The following POLR3GL variants were observed in gnomAD, a reference collection of about 807,000 sequenced individuals.
POLR3GL encodes RNA polymerase III subunit GL, also known as DNA-directed RNA polymerase III subunit RPC7-like.
In POLR3GL, 26 loss-of-function variants were observed where a neutral mutation model predicts 32.4. That is an observed-to-expected ratio of 0.80 (90% CI 0.59 to 1.11). The LOEUF is 1.11. Ranked by LOEUF, POLR3GL falls within the 50% of genes most tolerant of loss-of-function variation. POLR3GL has a pLI of 0.00. For synonymous variants in POLR3GL, 95 were observed against 98.7 expected, an observed-to-expected ratio of 0.96 and a Z score of 0.22; for missense variants, 229 against 280.1, an observed-to-expected ratio of 0.82 and a Z score of 1.30.
intron 1 of POLR3GL, among the ~76,000 whole-genome samples, chr1:145,968,236 G>A (rs899688803): frequency 2.0e-5 from 3 of 152,208 alleles, no homozygotes; most frequent in African/African-American, 7.2e-5. Context: ...GTATCCTCAA[G>A]AATTTTAACT....
intron 1 of POLR3GL, among the ~76,000 whole-genome samples, chr1:145,972,240 C>T (rs1223700316): frequency 6.6e-6 from 1 of 150,948 alleles, no homozygotes; most frequent in Non-Finnish European, 1.5e-5. Flanking sequence ...ATTAGCCGGG[C>T]GTGGTGGCAC....
intron 1 of POLR3GL, among the ~76,000 whole-genome samples, chr1:145,967,117 C>A (rs1553762154): frequency 6.6e-6 from 1 of 150,852 alleles, no homozygotes; most frequent in Non-Finnish European, 1.5e-5. Context: ...TGACAGCCTG[C>A]TTATTATTTA....
chr1:145,978,159 T>C (rs1650649974), intron 7 of POLR3GL, 63 bp downstream of exon 7: 1 of 1,556,148 alleles, frequency 6.4e-7, no homozygotes, highest in Non-Finnish European at 8.7e-7. Context: ...AGGGTTGCTC[T>C]CCTCAGAGGG....
chr1:145,977,669 C>T, intron 5 of POLR3GL, 109 bp from the exon 6 acceptor site: 1 of 1,314,968 alleles, frequency 7.6e-7, no homozygotes. Context: ...TGCTAGATGT[C>T]ATAGTGGCCA....
Position 145,975,456 on chromosome 1 carries a change from T to C in POLR3GL, c.256+20T>C, listed in dbSNP as rs1235707954. The C allele has an allele frequency of 6.2e-7, 1 of 1,609,042 alleles. No homozygotes were observed. The highest frequency in any genetic ancestry group is 1.3e-5 in the African/African-American group (1 of 74,844). The stretch of plus-strand genomic sequence containing the variant: ...AGAGAGGTCAGTTGGAATGCTAGCA[T>C]CATATTCTGAGTGCCTTCCATGGGG... On this transcript the variant is annotated intron_variant, in intron 3 of 7. Coordinates refer to ENST00000369314, the MANE Select transcript of POLR3GL (RefSeq NM_032305.3).
intron 1 of POLR3GL, among the ~76,000 whole-genome samples, chr1:145,965,114 C>T: frequency 6.6e-6 from 1 of 152,208 alleles, no homozygotes; most frequent in Non-Finnish European, 1.5e-5. Flanking sequence ...CCTGGGCCGC[C>T]TTTCTTGCAA....
At chr1:145,971,264 A>G (rs1003381507) in intron 1 of POLR3GL, among the ~76,000 whole-genome samples, 4 of 151,786 alleles carry the variant, frequency 2.6e-5, no homozygotes, top group African/African-American at 7.3e-5. Context: ...ATTATTAACT[A>G]AGGTTGATAC....
rs782138217 is a variant in POLR3GL, at chr1:145,974,929, G to C, written c.64G>C (p.Val22Leu). The C allele has an allele frequency of 3.9e-6, 6 of 1,519,736 alleles. No individual in the cohort carries two copies. The African/African-American group carries it at 5.7e-5, about 15-fold the overall frequency. 94.1% of individuals were successfully genotyped at this position (1,519,736 alleles called of 1,614,324 possible). A position where few individuals can be genotyped will look rare whatever the true frequency, so the allele number is the denominator to read the frequency against. The stretch of plus-strand genomic sequence containing the variant: ...CCAGTTGACCTTCAACGTGGAGGCC[G>C]TGGGCATTGGGAAAGGGGATGCTTT... ...RGQLTFNVEA[V>L]GIGKGDALPP... Residue 22 changes from valine (V) to leucine (L), a missense_variant, in exon 2 of 8, where the codon GTG becomes CTG. Physicochemically the swap from Val to Leu is conservative, Grantham distance 32 (BLOSUM62 1). Transcript: ENST00000369314.
intron 1 of POLR3GL, among the ~76,000 whole-genome samples, chr1:145,970,586 T>C (rs1284216703): frequency 6.6e-6 from 1 of 151,992 alleles, no homozygotes; most frequent in Non-Finnish European, 1.5e-5. Flanking sequence ...ATTAACATTG[T>C]AGATTGGCCG....
At chr1:145,977,248 G>C (rs949535093) in intron 4 of POLR3GL, 96 bp downstream of exon 4, 1 of 1,105,378 alleles carries the variant, frequency 9.0e-7, no homozygotes, top group African/African-American at 1.5e-5. Context: ...CCCATTCCCC[G>C]ATCCAGCATC....
intron 5 of POLR3GL, 26 bp from the exon 6 acceptor site, chr1:145,977,751 AG>A (rs1650628111): frequency 6.2e-7 from 1 of 1,610,918 alleles, no homozygotes; most frequent in Non-Finnish European, 8.5e-7. Flanking sequence ...TGCTCTCTGA[AG>A]GTTTACCTTT....
intron 3 of POLR3GL, 121 bp downstream of exon 3, chr1:145,975,557 G>A (rs587696118): frequency 1.8e-6 from 2 of 1,100,074 alleles, no homozygotes; most frequent in African/African-American, 3.1e-5. Flanking sequence ...GATCATAATA[G>A]TTACCCCTGT....
intron 1 of POLR3GL, among the ~76,000 whole-genome samples, chr1:145,972,806 C>T (rs587693710): frequency 5.5e-4 from 84 of 152,186 alleles, no homozygotes; most frequent in African/African-American, 2.0e-3. Context: ...TCAAGCAATC[C>T]TTCCCAGTAG....
intron 1 of POLR3GL, among the ~76,000 whole-genome samples, chr1:145,966,393 G>A (rs1650030798): frequency 6.6e-6 from 1 of 151,056 alleles, no homozygotes; most frequent in African/African-American, 2.4e-5. Context: ...GAGGTGGAGG[G>A]TTGCTTGAGC....
At chr1:145,970,955 G>T (rs1418034526) in intron 1 of POLR3GL, among the ~76,000 whole-genome samples, 1 of 147,866 alleles carries the variant, frequency 6.8e-6, no homozygotes, top group Non-Finnish European at 1.5e-5. Context: ...GGAGGCCGAG[G>T]CGGATGGATC....
intron 3 of POLR3GL, 56 bp downstream of exon 3, chr1:145,975,492 G>T: frequency 6.3e-7 from 1 of 1,589,396 alleles, no homozygotes; most frequent in Non-Finnish European, 8.6e-7. Flanking sequence ...AGTGCCCTGT[G>T]CTCAGCACCA....
intron 1 of POLR3GL, among the ~76,000 whole-genome samples, chr1:145,969,608 A>G (rs1396388824): frequency 6.6e-6 from 1 of 150,652 alleles, no homozygotes; most frequent in Non-Finnish European, 1.5e-5. Context: ...TATTCTATTC[A>G]GTATAGAAAA....
At chr1:145,967,713 T>G (rs1553762198) in intron 1 of POLR3GL, among the ~76,000 whole-genome samples, 1 of 152,192 alleles carries the variant, frequency 6.6e-6, no homozygotes, top group African/African-American at 2.4e-5. Context: ...CTTGAAGTAT[T>G]GTTTGTTTGC....
rs587768844 is a variant in POLR3GL, at chr1:145,977,068, C to G, written c.257-16C>G. ...GGTCTCTGAAGGGATAAAACTTTGA[C>G]CCTTCCACCCCTCAGATGTGGAGCG... On this transcript the variant is annotated splice_polypyrimidine_tract_variant and intron_variant, in intron 3 of 7. Coordinates refer to ENST00000369314, the MANE Select transcript of POLR3GL (RefSeq NM_032305.3). The G allele has an allele frequency of 6.2e-7, 1 of 1,610,948 alleles. No homozygotes were observed. Among genetic ancestry groups the G allele is most frequent in the East Asian group, 2.2e-5 (1 of 44,868 alleles).
Sources: allele counts gnomAD v4.1 joint callset (sites outside exome capture counted in the v4.1 genomes callset), GRCh38; gene constraint gnomAD v4.1.1; transcripts MANE v1.5; gene names NCBI Gene and HGNC (gene_info 2026-07-23, HGNC 2026-07-21).